Variants in MARCHF1 observed in about 807,000 individuals in gnomAD.
MARCHF1 encodes membrane associated ring-CH-type finger 1.
In MARCHF1, 40 loss-of-function variants were observed where a neutral mutation model predicts 54.2. The ratio of observed to expected loss-of-function variants is 0.74; its 90% CI spans 0.57 to 0.96. MARCHF1 has a LOEUF of 0.96. Ranked by LOEUF, MARCHF1 falls within the 40% of genes least tolerant of loss-of-function variation. The pLI is 0.00. For synonymous variants in MARCHF1, 236 were observed against 236.3 expected (o/e 1.00, Z 0.01); for missense variants, 586 against 656.5 (o/e 0.89, Z 1.17).
intron 2 of MARCHF1, among the ~76,000 whole-genome samples, chr4:164,061,115 A>G (rs2111067775): frequency 6.6e-6 from 1 of 152,302 alleles, no homozygotes; most frequent in Non-Finnish European, 1.5e-5. Flanking sequence ...ATCTATGACA[A>G]TCCAATAAAT....
At chr4:164,320,322 A>C (rs1165741098) in intron 1 of MARCHF1, among the ~76,000 whole-genome samples, 2 of 152,166 alleles carry the variant, frequency 1.3e-5, no homozygotes, top group Admixed American at 6.6e-5. Flanking sequence ...GGTAAACATT[A>C]TTATCCAAAA....
At chr4:163,778,575 T>C (rs1353527667) in intron 4 of MARCHF1, among the ~76,000 whole-genome samples, 1 of 152,204 alleles carries the variant, frequency 6.6e-6, no homozygotes, top group African/African-American at 2.4e-5. Flanking sequence ...CACTATTTTT[T>C]TTAAAATCAT....
intron 1 of MARCHF1, among the ~76,000 whole-genome samples, chr4:164,285,819 TAAAAAAAA>T (rs78385104): frequency 2.1e-5 from 2 of 95,832 alleles, no homozygotes; most frequent in South Asian, 4.3e-4. Flanking sequence ...TGTAGTTCTT[TAAAAAAAA>T]AAAAAAAAAA....
chr4:164,291,947 T>C (rs991768749), intron 1 of MARCHF1, among the ~76,000 whole-genome samples: 3 of 152,234 alleles, frequency 2.0e-5, no homozygotes, highest in East Asian at 3.9e-4. Context: ...ACTCATTCAT[T>C]CATTCAACAA....
At chr4:163,775,874 T>C (rs1046566695) in intron 4 of MARCHF1, among the ~76,000 whole-genome samples, 5 of 152,082 alleles carry the variant, frequency 3.3e-5, no homozygotes, top group African/African-American at 4.8e-5. Flanking sequence ...GGATTTTGTA[T>C]AGGATCTGAA....
intron 7 of MARCHF1, among the ~76,000 whole-genome samples, chr4:163,588,116 T>C (rs947810404): frequency 6.6e-6 from 1 of 152,092 alleles, no homozygotes; most frequent in Non-Finnish European, 1.5e-5. Flanking sequence ...AACACTGCCA[T>C]CTAAAGTCCC....
In MARCHF1 at chr4:164,176,974, CTCTCTCTA is replaced by C. The variant is rs1296024191; in HGVS notation, c.-322-65320_-322-65313del. ...TCTCTCTCTCTCTCTCTCTCTCTCT[CTCTCTCTA>C]TATATATATATATATATATATATAT... On this transcript the variant is annotated intron_variant, in intron 1 of 9. Transcript: ENST00000514618. Among the ~76,000 whole-genome samples, 174 of 29,924 alleles carry C rather than the reference CTCTCTCTA, an allele frequency of 5.8e-3. 1 individual carries two copies. The highest frequency in any genetic ancestry group is 0.018 in the Admixed American group (44 of 2,498). 19.6% of individuals were successfully genotyped at this position (29,924 alleles called of 152,430 possible). A position where few individuals can be genotyped will look rare whatever the true frequency, so the allele number is the denominator to read the frequency against.
chr4:163,685,608 C>T (rs565589146), intron 5 of MARCHF1, among the ~76,000 whole-genome samples: 1 of 152,100 alleles, frequency 6.6e-6, no homozygotes, highest in African/African-American at 2.4e-5. Context: ...GCATGCGCCA[C>T]CACCCCAGGC....
intron 2 of MARCHF1, among the ~76,000 whole-genome samples, chr4:164,049,125 AC>A (rs1754301091): frequency 6.6e-6 from 1 of 152,208 alleles, no homozygotes; most frequent in African/African-American, 2.4e-5. Flanking sequence ...TAACTGACTT[AC>A]AGTTCTGCGT....
intron 2 of MARCHF1, among the ~76,000 whole-genome samples, chr4:164,104,979 A>T (rs1334778579): frequency 1.9e-5 from 1 of 53,188 alleles, no homozygotes; most frequent in Non-Finnish European, 5.8e-5. Context: ...CAACAGACAA[A>T]CAGAGAGCCA....
chr4:163,694,762 G>A (rs1744568187), intron 5 of MARCHF1, among the ~76,000 whole-genome samples: 1 of 152,060 alleles, frequency 6.6e-6, no homozygotes, highest in Non-Finnish European at 1.5e-5. Flanking sequence ...GATAGCTGTT[G>A]GGCTATTGAT....
At chr4:163,769,534 C>T (rs977418453) in intron 4 of MARCHF1, among the ~76,000 whole-genome samples, 1 of 152,254 alleles carries the variant, frequency 6.6e-6, no homozygotes, top group East Asian at 1.9e-4. Context: ...TAGCTAGAAT[C>T]AAACCCATGT....
At chr4:163,995,124 T>G (rs1753049344) in intron 2 of MARCHF1, among the ~76,000 whole-genome samples, 1 of 151,892 alleles carries the variant, frequency 6.6e-6, no homozygotes, top group African/African-American at 2.4e-5. Flanking sequence ...CAGACACCAG[T>G]CACAAGTCCA....
intron 2 of MARCHF1, among the ~76,000 whole-genome samples, chr4:164,034,068 C>T (rs367864085): frequency 1.4e-4 from 15 of 110,062 alleles, no homozygotes; most frequent in Admixed American, 3.7e-4. Context: ...ATGTGATAGA[C>T]AGATAGATAG....
intron 1 of MARCHF1, among the ~76,000 whole-genome samples, chr4:164,173,477 C>G (rs1730581486): frequency 6.6e-6 from 1 of 152,110 alleles, no homozygotes. Context: ...AGACGCAATT[C>G]AATATTGTTT....
Position 164,268,143 on chromosome 4 carries a change from C to T in MARCHF1, c.-323+115727G>A, listed in dbSNP as rs550446784. On this transcript the variant is annotated intron_variant, in intron 1 of 9. Transcript: ENST00000514618. ...GGTAGCATATTCAAATTTGAAAAGACTTTAAATATTTTTATTATTAGATGT... is the reference window on the plus strand; with the variant it reads ...GGTAGCATATTCAAATTTGAAAAGATTTTAAATATTTTTATTATTAGATGT... 1.6e-3 allele frequency among the ~76,000 whole-genome samples: 236 copies of T among 152,186 alleles called. 1 individual carries two copies. Among genetic ancestry groups the T allele is most frequent in the Non-Finnish European group, 2.2e-3 (150 of 67,998 alleles).
chr4:164,256,432 T>TG (rs1237351212), intron 1 of MARCHF1, among the ~76,000 whole-genome samples: 1 of 121,860 alleles, frequency 8.2e-6, no homozygotes, highest in East Asian at 2.4e-4. Flanking sequence ...ACAAGAAGCT[T>TG]AAAAAAAAAA....
intron 8 of MARCHF1, among the ~76,000 whole-genome samples, chr4:163,579,188 C>T (rs760581766): frequency 1.2e-4 from 18 of 152,112 alleles, no homozygotes; most frequent in Non-Finnish European, 2.1e-4. Flanking sequence ...TCAGGAGACA[C>T]TTATACTTTT....
chr4:163,883,013 T>C (rs1053015192), intron 3 of MARCHF1, among the ~76,000 whole-genome samples: 9 of 152,042 alleles, frequency 5.9e-5, no homozygotes, highest in Non-Finnish European at 1.2e-4. Context: ...GGTTTTACAT[T>C]TCAGAGGAGA....
Sources: gnomAD v4.1 joint callset for allele counts (sites outside exome capture counted in the v4.1 genomes callset) on GRCh38, gnomAD v4.1.1 for gene constraint, MANE v1.5 for transcripts, NCBI Gene and HGNC (gene_info 2026-07-23, HGNC 2026-07-21) for gene names.